DOK6: variants seen among roughly 807,000 people sequenced by gnomAD.
DOK6 encodes the protein docking protein 6, also known as downstream of tyrosine kinase 6.
In DOK6, 22 loss-of-function variants were observed where a neutral mutation model predicts 44.0. The observed-to-expected ratio is 0.50, with a 90% CI of 0.36 to 0.71. DOK6 has a LOEUF of 0.71. Among genes scored for constraint, DOK6 ranks in the 30% least tolerant of loss-of-function variants. The pLI is 0.00. For missense variants in DOK6, 340 were observed against 416.4 expected (o/e 0.82, Z 1.60); for synonymous variants, 166 against 145.5 (o/e 1.14, Z -1.01).
At chr18:69,476,249 C>T (rs1489725343) in intron 1 of DOK6, among the ~76,000 whole-genome samples, 1 of 152,096 alleles carries the variant, frequency 6.6e-6, no homozygotes, top group Non-Finnish European at 1.5e-5. Flanking sequence ...TATTATTTTT[C>T]CCTAGGATAT....
intron 1 of DOK6, among the ~76,000 whole-genome samples, chr18:69,459,115 A>C (rs1979714335): frequency 1.6e-5 from 2 of 128,124 alleles, no homozygotes; most frequent in African/African-American, 5.8e-5. Context: ...CCCCCAAAAA[A>C]AAGGAAGGAA....
intron 1 of DOK6, among the ~76,000 whole-genome samples, chr18:69,511,799 A>G (rs1981373415): frequency 2.0e-5 from 3 of 152,214 alleles, no homozygotes; most frequent in African/African-American, 2.4e-5. Flanking sequence ...TTGAAACCAT[A>G]GTTCTTTCAC....
At chr18:69,648,070 C>A (rs1216251991) in intron 3 of DOK6, among the ~76,000 whole-genome samples, 1 of 152,156 alleles carries the variant, frequency 6.6e-6, no homozygotes, top group South Asian at 2.1e-4. Context: ...AAGCCTGGCA[C>A]ATCCTTGTTT....
At chr18:69,560,491 A>G (rs773965987) in intron 1 of DOK6, among the ~76,000 whole-genome samples, 13 of 152,176 alleles carry the variant, frequency 8.5e-5, no homozygotes, top group Non-Finnish European at 1.9e-4. Flanking sequence ...ACTGTGAAAT[A>G]TAGTAGGAAC....
rs937848204 is a variant in DOK6, at chr18:69,762,124, A to T, written c.856+4251A>T. Among the ~76,000 whole-genome samples the T allele has an allele frequency of 4.6e-5, 7 of 151,910 alleles. No homozygotes were observed. The South Asian group carries it at 1.5e-3, about 32-fold the overall frequency. ...CCAGGAGTTAAGACCAGTCTGGGCA[A>T]TATAGTGAGACTCCATCTCTGCATG... is the stretch of plus-strand genomic sequence containing the variant. On this transcript the variant is annotated intron_variant, in intron 7 of 7. Transcript: ENST00000382713.
intron 1 of DOK6, among the ~76,000 whole-genome samples, chr18:69,556,646 C>A (rs1253592840): frequency 2.0e-5 from 3 of 152,022 alleles, no homozygotes; most frequent in Non-Finnish European, 4.4e-5. Context: ...ATTACTCTAT[C>A]CAGAGAATGT....
chr18:69,823,134 A>G (rs1233630197), intron 7 of DOK6, among the ~76,000 whole-genome samples: 1 of 152,172 alleles, frequency 6.6e-6, no homozygotes, highest in Non-Finnish European at 1.5e-5. Context: ...CATTTTTCAT[A>G]ATTTTACTCA....
intron 3 of DOK6, among the ~76,000 whole-genome samples, chr18:69,635,602 G>A (rs1984787144): frequency 6.6e-6 from 1 of 152,160 alleles, no homozygotes; most frequent in South Asian, 2.1e-4. Flanking sequence ...CAGCAACGAG[G>A]ATCTGATTTC....
chr18:69,809,552 C>T (rs947743726), intron 7 of DOK6, among the ~76,000 whole-genome samples: 7 of 117,398 alleles, frequency 6.0e-5, no homozygotes, highest in African/African-American at 2.0e-4. Flanking sequence ...AACCCTAAGA[C>T]TTCACACACA....
chr18:69,505,851 C>T (rs1981172215), intron 1 of DOK6, among the ~76,000 whole-genome samples: 1 of 151,706 alleles, frequency 6.6e-6, no homozygotes, highest in Non-Finnish European at 1.5e-5. Context: ...AAACAAAATC[C>T]TATTTCTAAC....
intron 7 of DOK6, among the ~76,000 whole-genome samples, chr18:69,802,989 T>C (rs1313710263): frequency 6.6e-6 from 1 of 152,306 alleles, no homozygotes; most frequent in Non-Finnish European, 1.5e-5. Context: ...CTCTTATTTT[T>C]AATAACTTTA....
chr18:69,709,162 C>T (rs1568340269), intron 5 of DOK6, among the ~76,000 whole-genome samples: 1 of 152,162 alleles, frequency 6.6e-6, no homozygotes, highest in East Asian at 1.9e-4. Flanking sequence ...CCTTCAAGAA[C>T]ATCCATCGTA....
intron 1 of DOK6, among the ~76,000 whole-genome samples, chr18:69,451,118 G>C (rs930216717): frequency 6.7e-6 from 1 of 149,460 alleles, no homozygotes; most frequent in African/African-American, 2.5e-5. Flanking sequence ...AGACTGGCAA[G>C]TCGGATAAAG....
At chr18:69,632,663 G>A (rs1280024533) in intron 3 of DOK6, among the ~76,000 whole-genome samples, 7 of 152,086 alleles carry the variant, frequency 4.6e-5, no homozygotes, top group South Asian at 2.1e-4. Context: ...AAAGTCTCCC[G>A]AGGTATATTT....
chr18:69,618,031 A>G (rs1984352897), intron 3 of DOK6, among the ~76,000 whole-genome samples: 1 of 152,200 alleles, frequency 6.6e-6, no homozygotes, highest in Admixed American at 6.5e-5. Flanking sequence ...CAGAGGAGAC[A>G]TGGAAAGAAG....
At chr18:69,525,362 T>C (rs1049639586) in intron 1 of DOK6, among the ~76,000 whole-genome samples, 3 of 152,060 alleles carry the variant, frequency 2.0e-5, no homozygotes, top group Non-Finnish European at 4.4e-5. Flanking sequence ...ATAAATATTT[T>C]TGAAATGTGT....
intron 3 of DOK6, among the ~76,000 whole-genome samples, chr18:69,656,784 A>G (rs1985379480): frequency 6.6e-6 from 1 of 152,226 alleles, no homozygotes; most frequent in Non-Finnish European, 1.5e-5. Context: ...AAATAAAGAC[A>G]ATGCAATTGA....
chr18:69,537,493 C>G (rs1982155755), intron 1 of DOK6, among the ~76,000 whole-genome samples: 2 of 152,152 alleles, frequency 1.3e-5, no homozygotes, highest in South Asian at 4.1e-4. Flanking sequence ...TTTGCCAGTG[C>G]CTAGCACAGT....
chr18:69,530,044 G>A (rs1321034081), intron 1 of DOK6, among the ~76,000 whole-genome samples: 4 of 152,020 alleles, frequency 2.6e-5, no homozygotes, highest in Non-Finnish European at 5.9e-5. Context: ...GAGGACAAAC[G>A]AGTTTATGCA....
Sources: gnomAD v4.1 joint callset for allele counts (sites outside exome capture counted in the v4.1 genomes callset) on GRCh38, gnomAD v4.1.1 for gene constraint, MANE v1.5 for transcripts, NCBI Gene and HGNC (gene_info 2026-07-23, HGNC 2026-07-21) for gene names.